Variants in PGAP2 observed in about 807,000 individuals in gnomAD.
PGAP2 encodes post-GPI attachment to proteins 2.
In PGAP2, 21 loss-of-function variants were observed where a neutral mutation model predicts 33.2. The ratio of observed to expected loss-of-function variants is 0.63; its 90% CI spans 0.45 to 0.91. The LOEUF is 0.91. PGAP2 is among the 40% of genes least tolerant of loss of function. PGAP2 has a pLI of 0.00. For missense variants in PGAP2, 345 were observed against 424.0 expected, an observed-to-expected ratio of 0.81 and a Z score of 1.64; for synonymous variants, 161 against 172.9, an observed-to-expected ratio of 0.93 and a Z score of 0.54.
chr11:3,801,996 C>T (rs545621860), intron 1 of PGAP2, among the ~76,000 whole-genome samples: 9 of 150,998 alleles, frequency 6.0e-5, no homozygotes, highest in Middle Eastern at 3.5e-3. Context: ...AGTTCCCATT[C>T]TAAATATTCT....
At chr11:3,822,987 AC>A in intron 3 of PGAP2, 1 of 1,404,450 alleles carries the variant, frequency 7.1e-7, no homozygotes, top group Non-Finnish European at 9.6e-7. Context: ...TCCTTAGACT[AC>A]CCCAGGTTAG....
chr11:3,806,464 A>G (rs566647864), upstream of PGAP2, among the ~76,000 whole-genome samples: 2 of 152,330 alleles, frequency 1.3e-5, no homozygotes, highest in African/African-American at 4.8e-5. Flanking sequence ...GGAGCCCCTC[A>G]GAGTGCGTCT....
At position 3,825,863 on chromosome 11, in the gene PGAP2, A is replaced by C. The variant is rs1386701780; in HGVS notation, c.*405A>C. 1 of 192,174 alleles carries C rather than the reference A, an allele frequency of 5.2e-6. No homozygotes were observed. The highest frequency in any genetic ancestry group is 1.1e-5 in the Non-Finnish European group (1 of 90,716). 11.9% of individuals were successfully genotyped at this position (192,174 alleles called of 1,614,324 possible). On this transcript the variant is annotated 3_prime_UTR_variant, in exon 7 of 7. Transcript: ENST00000278243. ...CCATTTCTCTGCACGGGGGTCATTC[A>C]TAGGACTAATGTATTTCATGATCTA... is the stretch of plus-strand genomic sequence containing the variant.
intron 3 of PGAP2, among the ~76,000 whole-genome samples, chr11:3,821,456 CTT>C (rs1477130322): frequency 1.3e-5 from 2 of 152,210 alleles, no homozygotes; most frequent in African/African-American, 4.8e-5. Context: ...GTTTTGGAAA[CTT>C]TTAAAAATCC....
intron 3 of PGAP2, among the ~76,000 whole-genome samples, chr11:3,822,625 C>T (rs1420550227): frequency 6.6e-6 from 1 of 152,136 alleles, no homozygotes; most frequent in Non-Finnish European, 1.5e-5. Context: ...CAGAGTGAGA[C>T]CCTGTCTCAA....
At chr11:3,798,178 C>T (rs1024675806) in intron 1 of PGAP2, 11 of 1,338,902 alleles carry the variant, frequency 8.2e-6, no homozygotes, top group Non-Finnish European at 1.1e-5. Context: ...GACCCATGCT[C>T]GCCCCAGCAC....
chr11:3,809,857 A>C (rs2085178981), intron 1 of PGAP2, among the ~76,000 whole-genome samples: 1 of 152,166 alleles, frequency 6.6e-6, no homozygotes, highest in African/African-American at 2.4e-5. Flanking sequence ...ATGGGTGAGA[A>C]TGTGGAGGCG....
Position 3,808,578 on chromosome 11 carries a change from C to G in PGAP2, c.-84C>G, listed in dbSNP as rs191164612. 1.7e-3 allele frequency: 2,359 copies of G among 1,367,226 alleles called. 30 individuals carry two copies. In the African/African-American group the frequency reaches 0.028, roughly 16 times the overall value. The allele number at this position is 1,367,226 out of a possible 1,614,324, so 84.7% of individuals were successfully genotyped here. A position where few individuals can be genotyped will look rare whatever the true frequency, so the allele number is the denominator to read the frequency against. On this transcript the variant is annotated 5_prime_UTR_variant, in exon 1 of 7. Coordinates refer to ENST00000278243, the MANE Select transcript of PGAP2 (RefSeq NM_014489.4). ...CCCCGCCGTTCGCGCTCTGACCAGC[C>G]CGCAGAGCCAGCCCCCGACCCCGGG...
chr11:3,797,929 G>C, exon 1 of PGAP2: 1 of 1,548,192 alleles, frequency 6.5e-7, no homozygotes, highest in Non-Finnish European at 8.7e-7. Flanking sequence ...GGAGCGCCGC[G>C]ACTCGGGCTG....
At chr11:3,813,858 G>A (rs1231877023) in intron 2 of PGAP2, among the ~76,000 whole-genome samples, 1 of 152,152 alleles carries the variant, frequency 6.6e-6, no homozygotes, top group Non-Finnish European at 1.5e-5. Context: ...AAGGGCTGAT[G>A]GCATCAATAC....
chr11:3,798,008 C>G, intron 1 of PGAP2: 1 of 1,535,092 alleles, frequency 6.5e-7, no homozygotes, highest in Non-Finnish European at 8.8e-7. Flanking sequence ...TTTCCTTGCC[C>G]CGGTCCGCCG....
intron 2 of PGAP2, among the ~76,000 whole-genome samples, chr11:3,814,935 C>T (rs2086664828): frequency 6.8e-6 from 1 of 146,412 alleles, no homozygotes; most frequent in South Asian, 2.1e-4. Flanking sequence ...CCTTTCCTTT[C>T]CTTTCTTTTC....
At chr11:3,797,997 CT>C (rs1460489845) in intron 1 of PGAP2, 5 of 1,538,664 alleles carry the variant, frequency 3.2e-6, no homozygotes, top group Non-Finnish European at 4.4e-6. Flanking sequence ...CTATTCGACC[CT>C]TTCCTTGCCC....
At chr11:3,814,812 CTCTT>C (rs145802693) in intron 2 of PGAP2, among the ~76,000 whole-genome samples, 27,093 of 91,084 alleles carry the variant, frequency 0.3, 4,395 homozygotes, top group Non-Finnish European at 0.39. Context: ...TTCTTTCTTT[CTCTT>C]TCTTTCTTTT....
upstream of PGAP2, chr11:3,808,522 C>CT (rs1448579889): frequency 7.1e-7 from 1 of 1,408,726 alleles, no homozygotes; most frequent in Non-Finnish European, 9.2e-7. Context: ...AGTTTCCTCT[C>CT]TAAGTTCCGC....
At chr11:3,825,155 G>C in intron 6 of PGAP2, 27 bp downstream of exon 6, 2 of 1,606,450 alleles carry the variant, frequency 1.2e-6, no homozygotes, top group Non-Finnish European at 1.7e-6. Flanking sequence ...ATCCACAGGC[G>C]GTCATGAGTG....
upstream of PGAP2, among the ~76,000 whole-genome samples, chr11:3,803,797 A>AT (rs3986442): frequency 0.4 from 58,327 of 144,580 alleles, 11,649 homozygotes; most frequent in South Asian, 0.5. Flanking sequence ...ATATATATAT[A>AT]TTTTTTTTTT....
intron 3 of PGAP2, among the ~76,000 whole-genome samples, chr11:3,820,809 C>T (rs968307273): frequency 1.3e-5 from 2 of 151,986 alleles, no homozygotes; most frequent in East Asian, 1.9e-4. Flanking sequence ...GGTGACAGAG[C>T]GAGACCCTGT....
chr11:3,819,896 G>A (rs2088115520), intron 3 of PGAP2, among the ~76,000 whole-genome samples: 1 of 152,030 alleles, frequency 6.6e-6, no homozygotes, highest in African/African-American at 2.4e-5. Context: ...CCTGCTCTTA[G>A]AATCCCACCC....
Sources: allele counts gnomAD v4.1 joint callset (sites outside exome capture counted in the v4.1 genomes callset), GRCh38; gene constraint gnomAD v4.1.1; transcripts MANE v1.5; gene names NCBI Gene and HGNC (gene_info 2026-07-23, HGNC 2026-07-21).